Variants in GSG1L2 observed in about 807,000 individuals in gnomAD.
GSG1L2 encodes the protein germ cell-specific gene 1-like protein 2.
GSG1L2 carries 15 observed loss-of-function variants against 9.0 expected under a neutral mutation model. That is an observed-to-expected ratio of 1.67 (90% CI 1.12 to 2.57). The LOEUF is 2.57. Among genes scored for constraint, GSG1L2 ranks in the 30% most tolerant of loss-of-function variants. The pLI is 0.00. For synonymous variants in GSG1L2, 127 were observed against 57.9 expected (o/e 2.19, Z -5.41); for missense variants, 286 against 150.3 (o/e 1.90, Z -4.72).
chr17:9,809,253 G>A, intron 2 of GSG1L2: 10 of 429,496 alleles, frequency 2.3e-5, no homozygotes, highest in Admixed American at 3.5e-5. Flanking sequence ...GGATATGAGT[G>A]GTGCTGGGGG....
At chr17:9,802,868 C>A (rs2066502516) in intron 4 of GSG1L2, among the ~76,000 whole-genome samples, 1 of 152,098 alleles carries the variant, frequency 6.6e-6, no homozygotes, top group Admixed American at 6.5e-5. Flanking sequence ...TGCATCGTGG[C>A]CCCACCTTGT....
Position 9,814,466 on chromosome 17 carries a change from A to G in GSG1L2, c.311-3848T>C, listed in dbSNP as rs1203049914. On this transcript the variant is annotated intron_variant, in intron 1 of 4. Coordinates refer to ENST00000399363, the MANE Select transcript of GSG1L2 (RefSeq NM_001310219.2). ...AAAGAGAACTGCCTTTCCCACCAGG[A>G]ATAGAGACGAGGCCAGCACAGAGCC... Among the ~76,000 whole-genome samples, 3 of 152,258 alleles carry G rather than the reference A, an allele frequency of 2.0e-5. No homozygotes were observed. The East Asian group carries it at 5.8e-4, about 29-fold the overall frequency.
At chr17:9,816,554 G>A (rs942686975) in intron 1 of GSG1L2, among the ~76,000 whole-genome samples, 6 of 148,536 alleles carry the variant, frequency 4.0e-5, no homozygotes, top group African/African-American at 1.5e-4. Context: ...GTGTGTCTGT[G>A]TGTGCATGCA....
In GSG1L2 at chr17:9,802,265, G is replaced by A. The variant is rs1223583517; in HGVS notation, c.*121C>T. On this transcript the variant is annotated 3_prime_UTR_variant, in exon 5 of 5. Transcript: ENST00000399363. Reference sequence around the variant, plus strand: ...AGTAAAAGGTGAGATGTGGAGGGGTGGGGATGGAAGCTTTCCCTGGACAAC... The same window carrying A: ...AGTAAAAGGTGAGATGTGGAGGGGTAGGGATGGAAGCTTTCCCTGGACAAC... 2 of 573,390 alleles carry A rather than the reference G, an allele frequency of 3.5e-6. No homozygotes were observed. The highest frequency in any genetic ancestry group is 1.9e-5 in the African/African-American group (1 of 53,586). 35.5% of individuals were successfully genotyped at this position (573,390 alleles called of 1,614,324 possible).
intron 1 of GSG1L2, among the ~76,000 whole-genome samples, chr17:9,811,695 C>A (rs971584300): frequency 6.6e-6 from 1 of 152,168 alleles, no homozygotes; most frequent in South Asian, 2.1e-4. Context: ...TTCATCCCCA[C>A]GCAGTTTACA....
intron 1 of GSG1L2, among the ~76,000 whole-genome samples, chr17:9,816,146 C>G (rs909151219): frequency 6.6e-6 from 1 of 152,194 alleles, no homozygotes; most frequent in Non-Finnish European, 1.5e-5. Flanking sequence ...TAATACGGTT[C>G]TTTTCTTTAT....
At chr17:9,809,461 T>C (rs112089125) in intron 2 of GSG1L2, 4,452 of 160,766 alleles carry the variant, frequency 0.028, 161 homozygotes, top group African/African-American at 0.081. Flanking sequence ...CTCCAAACCA[T>C]AGAAGGGTAC....
chr17:9,804,606 T>C (rs886158707), intron 4 of GSG1L2: 12 of 152,168 alleles, frequency 7.9e-5, no homozygotes, highest in Non-Finnish European at 1.5e-4. Context: ...CACTGACAGG[T>C]TGTGGAAAGA....
chr17:9,810,174 A>T (rs763788593), intron 2 of GSG1L2: 14 of 221,346 alleles, frequency 6.3e-5, no homozygotes, highest in African/African-American at 3.0e-4. Flanking sequence ...AATTACAAAG[A>T]TACTGAGTGT....
Position 9,820,668 on chromosome 17 carries a change from T to C in GSG1L2, c.310+1094A>G, listed in dbSNP as rs2066585594. Among the ~76,000 whole-genome samples, 2 of 151,790 alleles carry C rather than the reference T, an allele frequency of 1.3e-5. No homozygotes were observed. Among genetic ancestry groups the C allele is most frequent in the African/African-American group, 4.8e-5 (2 of 41,332 alleles). ...CAGCACCTCTGAGTGTTCCTTTTTT[T>C]TTTTTTTTAATTTGAGACAGGTCTC... On this transcript the variant is annotated intron_variant, in intron 1 of 4. Coordinates refer to ENST00000399363, the MANE Select transcript of GSG1L2 (RefSeq NM_001310219.2). The surrounding 1 kb of genome is among the most constrained non-coding windows in gnomAD (Gnocchi z 4.9).
rs1346153807 is a variant in GSG1L2, at chr17:9,800,678, G to A, written c.*1708C>T. ...GTTCACAGGTGTTTTTCACAACAGC[G>A]AATTCAGCGAAGTCTCTCTCCAGTG... On this transcript the variant is annotated 3_prime_UTR_variant, in exon 5 of 5. Coordinates refer to ENST00000399363, the MANE Select transcript of GSG1L2 (RefSeq NM_001310219.2). Among the ~76,000 whole-genome samples, 3 of 152,160 alleles carry A rather than the reference G, an allele frequency of 2.0e-5. No individual in the cohort carries two copies. Among genetic ancestry groups the A allele is most frequent in the South Asian group, 2.1e-4 (1 of 4,832 alleles).
intron 2 of GSG1L2, 147 bp downstream of exon 2, chr17:9,810,424 G>C: frequency 1.6e-6 from 1 of 630,320 alleles, no homozygotes; most frequent in East Asian, 2.7e-5. Context: ...GGCACAGGAA[G>C]AGAGCCTGTG....
intron 1 of GSG1L2, among the ~76,000 whole-genome samples, chr17:9,811,281 G>A (rs376785474): frequency 5.3e-5 from 8 of 152,158 alleles, no homozygotes; most frequent in African/African-American, 1.7e-4. Context: ...TCACGCATTC[G>A]CTTGCATTCC....
chr17:9,808,941 C>T lies in GSG1L2; in HGVS notation c.400G>A (p.Val134Ile), dbSNP rs1189366511. The part of the protein sequence containing the change: ...LSIGGEVLDI[V>I]LILTSAILLG... ...AGGATGGCGCTTGTCAGTATCAGAA[C>T]GATATCCAGGACCTCGCCCCCGATG... Residue 134 changes from valine to isoleucine, a missense_variant, in exon 3 of 5, where the codon GTT (valine) becomes ATT (isoleucine). By Grantham distance (29) the Val-to-Ile change is conservative. Transcript: ENST00000399363. 8 of 703,004 alleles carry T rather than the reference C, an allele frequency of 1.1e-5. No homozygotes were observed. Among genetic ancestry groups the T allele is most frequent in the South Asian group, 5.9e-5 (4 of 67,600 alleles). 43.5% of individuals were successfully genotyped at this position (703,004 alleles called of 1,614,324 possible).
intron 1 of GSG1L2, among the ~76,000 whole-genome samples, chr17:9,813,785 C>T (rs1380396354): frequency 4.6e-5 from 7 of 152,230 alleles, no homozygotes; most frequent in Non-Finnish European, 8.8e-5. Context: ...ACATCCACAA[C>T]GCCTGGCATC....
At chr17:9,816,522 C>CTGTGTGTTTG (rs1491196761) in intron 1 of GSG1L2, among the ~76,000 whole-genome samples, 6 of 140,774 alleles carry the variant, frequency 4.3e-5, no homozygotes, top group East Asian at 2.2e-4. Flanking sequence ...GTGTGCGTGT[C>CTGTGTGTTTG]TGTGTCTCTG....
At chr17:9,815,228 A>G (rs531804269) in intron 1 of GSG1L2, among the ~76,000 whole-genome samples, 3 of 152,306 alleles carry the variant, frequency 2.0e-5, no homozygotes, top group South Asian at 4.1e-4. Context: ...CTCTACTAAA[A>G]ATACAGAAAA....
intron 1 of GSG1L2, among the ~76,000 whole-genome samples, chr17:9,819,952 A>G (rs1028246251): frequency 2.6e-5 from 4 of 151,154 alleles, no homozygotes; most frequent in Non-Finnish European, 4.4e-5. Flanking sequence ...GGCCAGGCAC[A>G]GTGGCTCATG....
At chr17:9,821,503 T>C (rs1194395020) in intron 1 of GSG1L2, among the ~76,000 whole-genome samples, 1 of 152,216 alleles carries the variant, frequency 6.6e-6, no homozygotes, top group African/African-American at 2.4e-5. Context: ...CAATCACTCT[T>C]GGAGGTAAGT....
Sources: gnomAD v4.1 joint callset for allele counts (sites outside exome capture counted in the v4.1 genomes callset) on GRCh38, gnomAD v4.1.1 for gene constraint, Gnocchi (gnomAD v3.1) non-coding constraint, MANE v1.5 for transcripts, NCBI Gene and HGNC (gene_info 2026-07-23, HGNC 2026-07-21) for gene names.